Variants in ASTN2 observed in about 807,000 individuals in gnomAD.
The protein encoded by ASTN2 is astrotactin 2.
In ASTN2, 54 loss-of-function variants were observed where a neutral mutation model predicts 139.8. That is an observed-to-expected ratio of 0.39 (90% confidence interval 0.31 to 0.48). The LOEUF is 0.48. Ranked by LOEUF, ASTN2 falls within the 20% of genes least tolerant of loss-of-function variation. The pLI, the probability that ASTN2 is intolerant of heterozygous loss-of-function variation, is 0.95. For synonymous variants in ASTN2, 756 were observed against 719.5 expected, an observed-to-expected ratio of 1.05 and a Z score of -0.81; for missense variants, 1,565 against 1,725.1, an observed-to-expected ratio of 0.91 and a Z score of 1.64.
intron 5 of ASTN2, among the ~76,000 whole-genome samples, chr9:117,050,253 T>A (rs1838876056): frequency 6.6e-6 from 1 of 152,036 alleles, no homozygotes. Flanking sequence ...TCAGGACCAG[T>A]CACCTCCCAT....
chr9:117,150,231 G>C (rs2132877640), intron 3 of ASTN2, among the ~76,000 whole-genome samples: 1 of 152,286 alleles, frequency 6.6e-6, no homozygotes, highest in African/African-American at 2.4e-5. Flanking sequence ...CCATCATCCT[G>C]TGTTCCTAAA....
In ASTN2 at chr9:116,959,414, C is replaced by G. The variant is rs114268759; in HGVS notation, c.1889+15794G>C. On this transcript the variant is annotated intron_variant, in intron 10 of 22. Coordinates refer to ENST00000313400, the MANE Select transcript of ASTN2 (RefSeq NM_001365068.1). Reference sequence around the variant, plus strand: ...GTCCTCAAGGGCTATGAGTGTCACACTGAGAAGTGTGGGCTTTATCCTCAT... The same window carrying G: ...GTCCTCAAGGGCTATGAGTGTCACAGTGAGAAGTGTGGGCTTTATCCTCAT... Among the ~76,000 whole-genome samples the G allele has an allele frequency of 4.5e-3, 682 of 152,236 alleles. 6 individuals are homozygous for G. The highest frequency in any genetic ancestry group is 0.016 in the African/African-American group (663 of 41,534).
Position 117,144,209 on chromosome 9 carries a change from A to C in ASTN2, c.1016-2731T>G, listed in dbSNP as rs193236342. 4.3e-3 allele frequency among the ~76,000 whole-genome samples: 661 copies of C among 152,326 alleles called. 5 individuals carry two copies. Among genetic ancestry groups the C allele is most frequent in the African/African-American group, 0.015 (618 of 41,584 alleles). ...GCAGGCCAGGAAGAGGGCCCTCACC[A>C]GAACTCGAACATGCTAGCACCTTGA... is the stretch of plus-strand genomic sequence containing the variant. On this transcript the variant is annotated intron_variant, in intron 3 of 22. Coordinates refer to ENST00000313400, the MANE Select transcript of ASTN2 (RefSeq NM_001365068.1).
chr9:116,972,209 G>GTT lies in ASTN2; in HGVS notation c.1889+2997_1889+2998dup, dbSNP rs35111042. Among the ~76,000 whole-genome samples the GTT allele has an allele frequency of 7.3e-4, 111 of 151,992 alleles. 6 individuals are homozygous for GTT. In the East Asian group the frequency reaches 0.013, roughly 18 times the overall value. On this transcript the variant is annotated intron_variant, in intron 10 of 22. Coordinates refer to ENST00000313400, the MANE Select transcript of ASTN2 (RefSeq NM_001365068.1). ...ATTAGTTTACTCATTAATGAAACTA[G>GTT]TTTTTTTTGTTTTTATATAAACATA...
At chr9:116,845,302 G>GT (rs1346191970) in intron 11 of ASTN2, among the ~76,000 whole-genome samples, 1 of 152,064 alleles carries the variant, frequency 6.6e-6, no homozygotes, top group Non-Finnish European at 1.5e-5. Flanking sequence ...CTTATTTTTA[G>GT]TAGAGACGGG....
chr9:116,468,820 C>T (rs1848727709), intron 20 of ASTN2, among the ~76,000 whole-genome samples: 3 of 152,162 alleles, frequency 2.0e-5, no homozygotes, highest in African/African-American at 7.2e-5. Context: ...TTTCATCATC[C>T]GAATTTGTTC....
intron 10 of ASTN2, among the ~76,000 whole-genome samples, chr9:116,903,347 T>C (rs558304396): frequency 6.6e-6 from 1 of 152,346 alleles, no homozygotes; most frequent in South Asian, 2.1e-4. Context: ...ATCTTTGTTT[T>C]ATATACTGAT....
At chr9:116,686,798 G>T in intron 16 of ASTN2, 1 of 1,550,648 alleles carries the variant, frequency 6.4e-7, no homozygotes, top group Non-Finnish European at 8.7e-7. Flanking sequence ...ACAGAGCAAT[G>T]TGTTCATGGA....
intron 7 of ASTN2, among the ~76,000 whole-genome samples, chr9:116,998,265 C>T (rs578013147): frequency 4.6e-5 from 7 of 152,042 alleles, no homozygotes; most frequent in Non-Finnish European, 1.0e-4. Context: ...GAGGATATCC[C>T]CAGTTGAGGC....
At chr9:116,516,784 A>C (rs1317675623) in intron 19 of ASTN2, among the ~76,000 whole-genome samples, 1 of 152,188 alleles carries the variant, frequency 6.6e-6, no homozygotes, top group Non-Finnish European at 1.5e-5. Flanking sequence ...CCATAGTGAG[A>C]GTGAGACTGG....
chr9:116,898,015 G>A (rs1833919220), intron 10 of ASTN2, among the ~76,000 whole-genome samples: 1 of 152,108 alleles, frequency 6.6e-6, no homozygotes, highest in African/African-American at 2.4e-5. Flanking sequence ...TCTAATTTAT[G>A]AAAGCAGAAT....
intron 5 of ASTN2, among the ~76,000 whole-genome samples, chr9:117,062,972 A>C (rs1429939019): frequency 1.3e-5 from 2 of 152,156 alleles, no homozygotes; most frequent in African/African-American, 4.8e-5. Flanking sequence ...CCATACCTCC[A>C]CCAGAGCAGA....
intron 2 of ASTN2, among the ~76,000 whole-genome samples, chr9:117,270,548 C>G (rs960852271): frequency 6.6e-6 from 1 of 152,188 alleles, no homozygotes; most frequent in African/African-American, 2.4e-5. Flanking sequence ...CTATTTGCTA[C>G]CACAGGGCAT....
intron 1 of ASTN2, among the ~76,000 whole-genome samples, chr9:117,375,548 A>G (rs951556193): frequency 6.6e-6 from 1 of 152,222 alleles, no homozygotes; most frequent in Non-Finnish European, 1.5e-5. Context: ...CATAAATCCT[A>G]TTAGAGTCAT....
intron 11 of ASTN2, among the ~76,000 whole-genome samples, chr9:116,839,857 T>TA (rs1564297029): frequency 9.8e-6 from 1 of 101,590 alleles, no homozygotes; most frequent in Non-Finnish European, 1.9e-5. Flanking sequence ...TTTATTTTAT[T>TA]TCATTATTAT....
At chr9:116,887,379 G>T (rs114719821) in intron 10 of ASTN2, among the ~76,000 whole-genome samples, 2 of 151,856 alleles carry the variant, frequency 1.3e-5, no homozygotes, top group African/African-American at 4.8e-5. Context: ...TAGGATGGGA[G>T]GGGTGCAGGA....
At chr9:116,669,144 T>A (rs1859039878) in intron 16 of ASTN2, among the ~76,000 whole-genome samples, 1 of 152,168 alleles carries the variant, frequency 6.6e-6, no homozygotes, top group Admixed American at 6.5e-5. Context: ...ACCATTGCCA[T>A]GGCAACACCT....
intron 13 of ASTN2, among the ~76,000 whole-genome samples, chr9:116,744,920 C>T (rs768462627): frequency 9.2e-5 from 14 of 152,100 alleles, no homozygotes; most frequent in Non-Finnish European, 1.3e-4. Context: ...TCAAGCCTAA[C>T]CCCCAGCACT....
intron 17 of ASTN2, among the ~76,000 whole-genome samples, chr9:116,645,179 C>G (rs1474993460): frequency 6.6e-6 from 1 of 152,150 alleles, no homozygotes; most frequent in East Asian, 1.9e-4. Flanking sequence ...CACTCCTCTG[C>G]CTCCTCCACT....
Sources: gnomAD v4.1 joint callset for allele counts (sites outside exome capture counted in the v4.1 genomes callset) on GRCh38, gnomAD v4.1.1 for gene constraint, MANE v1.5 for transcripts, NCBI Gene and HGNC (gene_info 2026-07-23, HGNC 2026-07-21) for gene names.